SPIRE1: variants seen among roughly 807,000 people sequenced by gnomAD.
The protein encoded by SPIRE1 is spire type actin nucleation factor 1.
In SPIRE1, 40 loss-of-function variants were observed where a neutral mutation model predicts 94.1. The ratio of observed to expected loss-of-function variants is 0.43; its 90% CI spans 0.33 to 0.55. The LOEUF is 0.55. Among genes scored for constraint, SPIRE1 ranks in the 20% least tolerant of loss-of-function variants. SPIRE1 has a pLI of 0.06. For synonymous variants in SPIRE1, 376 were observed against 371.7 expected (o/e 1.01, Z -0.13); for missense variants, 838 against 975.2 (o/e 0.86, Z 1.87).
intron 2 of SPIRE1, among the ~76,000 whole-genome samples, chr18:12,603,854 T>C (rs879553616): frequency 6.6e-6 from 1 of 152,156 alleles, no homozygotes; most frequent in Non-Finnish European, 1.5e-5. Flanking sequence ...ATTACAGGCA[T>C]GAGCCACAGC....
At chr18:12,454,538 G>A (rs1212511881) in intron 12 of SPIRE1, 55 bp from the exon 13 acceptor site, 15 of 1,570,510 alleles carry the variant, frequency 9.6e-6, no homozygotes, top group Non-Finnish European at 1.2e-5. Context: ...TTCTGGAAGT[G>A]CAAAATTTCC....
intron 4 of SPIRE1, among the ~76,000 whole-genome samples, chr18:12,513,588 A>G (rs2034106636): frequency 6.6e-6 from 1 of 151,404 alleles, no homozygotes; most frequent in African/African-American, 2.4e-5. Context: ...CAATGGTGCA[A>G]TCTCAGCTCA....
chr18:12,569,099 G>A (rs1395803096), intron 2 of SPIRE1, among the ~76,000 whole-genome samples: 5 of 152,156 alleles, frequency 3.3e-5, no homozygotes, highest in Admixed American at 6.6e-5. Flanking sequence ...CCAGCACTTC[G>A]GGAGGCCAAG....
intron 2 of SPIRE1, among the ~76,000 whole-genome samples, chr18:12,599,704 T>C (rs904490777): frequency 1.3e-5 from 2 of 152,196 alleles, no homozygotes; most frequent in African/African-American, 4.8e-5. Context: ...TTGGCAGAGA[T>C]ACCTGGCAGA....
chr18:12,636,630 G>A (rs1236117131), intron 1 of SPIRE1, among the ~76,000 whole-genome samples: 1 of 151,896 alleles, frequency 6.6e-6, no homozygotes, highest in Non-Finnish European at 1.5e-5. Flanking sequence ...GGGGCCTTAG[G>A]TTCTATGAAT....
At chr18:12,512,057 A>G (rs2144032943) in intron 5 of SPIRE1, among the ~76,000 whole-genome samples, 1 of 152,256 alleles carries the variant, frequency 6.6e-6, no homozygotes. Flanking sequence ...CTGGCCAATA[A>G]CTAGCATTTT....
At position 12,464,945 on chromosome 18, in the gene SPIRE1, TGCA is replaced by T; in HGVS notation, c.1415_1417del (p.Leu472del). 5.6e-6 allele frequency: 9 copies of T among 1,614,084 alleles called. No individual in the cohort carries two copies. Among genetic ancestry groups the T allele is most frequent in the Non-Finnish European group, 7.6e-6 (9 of 1,180,000 alleles). ...CACGCTGCTGCTGCTGGTCGACTTGTGCAGCGTTTCTTCCTGAGCAAAGTACAG... is the reference window on the plus strand; with the variant it reads ...CACGCTGCTGCTGCTGGTCGACTTGTGCGTTTCTTCCTGAGCAAAGTACAG... On this transcript the variant is annotated inframe_deletion, in exon 11 of 17. Transcript: ENST00000409402.
intron 2 of SPIRE1, among the ~76,000 whole-genome samples, chr18:12,595,227 G>T (rs994739903): frequency 3.3e-5 from 5 of 152,130 alleles, no homozygotes; most frequent in African/African-American, 1.2e-4. Context: ...GATCACCTGA[G>T]CCCAGGAAGT....
Position 12,606,906 on chromosome 18 carries a change from A to G in SPIRE1, c.372+28156T>C, listed in dbSNP as rs139160167. On this transcript the variant is annotated intron_variant, in intron 2 of 16. Coordinates refer to ENST00000409402, the MANE Select transcript of SPIRE1 (RefSeq NM_001128626.2). The stretch of plus-strand genomic sequence containing the variant: ...ATAATTAAACAGCTGACTTACTCTT[A>G]TACCTGCTGAACAATGGAATAAAAC... 1.1e-4 allele frequency among the ~76,000 whole-genome samples: 17 copies of G among 152,318 alleles called. 1 individual carries two copies. In the East Asian group the frequency reaches 3.3e-3, roughly 29 times the overall value.
At chr18:12,476,678 ACTT>A (rs1390960504) in intron 10 of SPIRE1, among the ~76,000 whole-genome samples, 2 of 149,400 alleles carry the variant, frequency 1.3e-5, no homozygotes, top group Non-Finnish European at 3.0e-5. Context: ...GAATTTCAAA[ACTT>A]CTAAATATAT....
intron 2 of SPIRE1, among the ~76,000 whole-genome samples, chr18:12,605,400 G>A (rs1376783643): frequency 6.6e-6 from 1 of 152,182 alleles, no homozygotes; most frequent in African/African-American, 2.4e-5. Flanking sequence ...CAGCTACTCA[G>A]GAGGCTGAGG....
chr18:12,637,587 C>G (rs751538317), intron 1 of SPIRE1, among the ~76,000 whole-genome samples: 1 of 152,064 alleles, frequency 6.6e-6, no homozygotes, highest in Non-Finnish European at 1.5e-5. Flanking sequence ...ACAAACCTAA[C>G]GTGAGAAGAA....
rs375798790 is a variant in SPIRE1 at position 12,657,094 on chromosome 18, GC to G, written c.337+435del. Reference sequence around the variant, plus strand: ...CAGCGGCACTGAGGATCCGTGCGGAGCCCCCGCGTGAAGCCTGCGATGCCCT... The same window carrying G: ...CAGCGGCACTGAGGATCCGTGCGGAGCCCCGCGTGAAGCCTGCGATGCCCT... On this transcript the variant is annotated intron_variant, in intron 1 of 16. Transcript: ENST00000409402. Among the ~76,000 whole-genome samples the G allele has an allele frequency of 2.6e-3, 401 of 152,358 alleles. 2 individuals carry two copies. The highest frequency in any genetic ancestry group is 0.017 in the South Asian group (81 of 4,832).
chr18:12,627,266 G>C (rs2037657928), intron 2 of SPIRE1, among the ~76,000 whole-genome samples: 1 of 149,184 alleles, frequency 6.7e-6, no homozygotes, highest in South Asian at 2.2e-4. Flanking sequence ...CTGTGTCCAA[G>C]TGTTCTCATT....
intron 12 of SPIRE1, among the ~76,000 whole-genome samples, chr18:12,459,033 A>G (rs1320425754): frequency 6.6e-6 from 1 of 152,224 alleles, no homozygotes; most frequent in Non-Finnish European, 1.5e-5. Flanking sequence ...GGCTGCTCTG[A>G]GCACCTGCTA....
intron 12 of SPIRE1, among the ~76,000 whole-genome samples, chr18:12,457,562 G>A (rs2031571455): frequency 1.3e-5 from 2 of 152,306 alleles, no homozygotes; most frequent in Admixed American, 6.5e-5. Flanking sequence ...CGCACCTCTA[G>A]TTCCCTTGCT....
At chr18:12,586,392 G>A (rs554577361) in intron 2 of SPIRE1, among the ~76,000 whole-genome samples, 102 of 152,204 alleles carry the variant, frequency 6.7e-4, no homozygotes, top group South Asian at 1.9e-3. Context: ...CTCTACATTC[G>A]TTCTTTTGCC....
intron 2 of SPIRE1, among the ~76,000 whole-genome samples, chr18:12,615,057 G>A (rs895265576): frequency 4.6e-4 from 70 of 151,150 alleles, no homozygotes; most frequent in Admixed American, 4.5e-3. Context: ...CGGAGCGGTA[G>A]GTCATGCCTG....
chr18:12,473,636 GT>G (rs530805338), intron 10 of SPIRE1, among the ~76,000 whole-genome samples: 1 of 152,136 alleles, frequency 6.6e-6, no homozygotes, highest in African/African-American at 2.4e-5. Flanking sequence ...GAATTAAGGA[GT>G]TTTTTCTTTT....
Sources: allele counts gnomAD v4.1 joint callset (sites outside exome capture counted in the v4.1 genomes callset), GRCh38; gene constraint gnomAD v4.1.1; transcripts MANE v1.5; gene names NCBI Gene and HGNC (gene_info 2026-07-23, HGNC 2026-07-21).